GALNT11: variants seen among roughly 807,000 people sequenced by gnomAD.
The protein encoded by GALNT11 is UDP-GalNAc:polypeptide N-acetylgalactosaminyltransferase 11.
GALNT11 carries 47 observed loss-of-function variants against 72.7 expected under a neutral mutation model. That is an observed-to-expected ratio of 0.65 (90% CI 0.51 to 0.82). GALNT11 has a LOEUF of 0.82. Ranked by LOEUF, GALNT11 falls within the 40% of genes least tolerant of loss-of-function variation. The pLI is 0.00. For synonymous variants in GALNT11, 270 were observed against 286.6 expected (o/e 0.94, Z 0.58); for missense variants, 677 against 778.4 (o/e 0.87, Z 1.55).
chr7:152,090,367 G>C lies in GALNT11; in HGVS notation c.-38-3823G>C, dbSNP rs367898160. ...TTTATTATTCTTTTATGTTCCTTGG[G>C]TTTATTCAGTTATATTTTTCTTAAT... On this transcript the variant is annotated intron_variant, in intron 1 of 11. Transcript: ENST00000430044. Among the ~76,000 whole-genome samples the C allele has an allele frequency of 5.9e-5, 9 of 151,840 alleles. No homozygotes were observed. The East Asian group carries it at 1.7e-3, about 29-fold the overall frequency.
intron 1 of GALNT11, among the ~76,000 whole-genome samples, chr7:152,047,477 CAAACAAACA>C (rs532539857): frequency 7.7e-4 from 117 of 152,018 alleles, no homozygotes; most frequent in Admixed American, 3.9e-3. Flanking sequence ...AACAAACAAA[CAAACAAACA>C]AAACAAACAA....
In GALNT11 at chr7:152,118,668, T is replaced by C. The variant is rs1221930525; in HGVS notation, c.1453-10T>C. The C allele has an allele frequency of 1.9e-6, 3 of 1,606,096 alleles. No individual in the cohort carries two copies. In the Admixed American group the frequency reaches 5.1e-5, roughly 27 times the overall value. On this transcript the variant is annotated splice_polypyrimidine_tract_variant and intron_variant, in intron 9 of 11. Coordinates refer to ENST00000430044, the MANE Select transcript of GALNT11 (RefSeq NM_022087.4). ...GTTTCCCACATTCTGAGCTGTGCCT[T>C]CTCTTACAGCTCTATCACCTCCAGA...
In GALNT11 at chr7:152,043,954, C is replaced by T. The variant is rs563095882; in HGVS notation, c.-39+18070C>T. ...TTACCACAGGGACTGCTTAAGAGTA[C>T]TTGGGTGTCCTCCAGCTTAGTTCCA... On this transcript the variant is annotated intron_variant, in intron 1 of 11. Coordinates refer to ENST00000430044, the MANE Select transcript of GALNT11 (RefSeq NM_022087.4). 7.8e-4 allele frequency among the ~76,000 whole-genome samples: 119 copies of T among 152,336 alleles called. No homozygotes were observed. The South Asian group carries it at 0.024, about 31-fold the overall frequency.
intron 1 of GALNT11, among the ~76,000 whole-genome samples, chr7:152,054,711 G>T (rs1223851358): frequency 9.9e-5 from 15 of 151,602 alleles, no homozygotes; most frequent in African/African-American, 2.9e-4. Flanking sequence ...TAGAGACAGG[G>T]TTTCACCATG....
At chr7:152,115,733 G>T (rs1042518776) in intron 8 of GALNT11, among the ~76,000 whole-genome samples, 1 of 152,182 alleles carries the variant, frequency 6.6e-6, no homozygotes, top group Non-Finnish European at 1.5e-5. Flanking sequence ...TACATTTACC[G>T]CCAGGAGCTT....
intron 1 of GALNT11, among the ~76,000 whole-genome samples, chr7:152,080,488 AT>A (rs2085255592): frequency 6.6e-6 from 1 of 152,188 alleles, no homozygotes; most frequent in South Asian, 2.1e-4. Context: ...GAGTCTATTA[AT>A]TTTTTGGTAG....
At chr7:152,065,272 C>T (rs541260627) in intron 1 of GALNT11, among the ~76,000 whole-genome samples, 1 of 152,322 alleles carries the variant, frequency 6.6e-6, no homozygotes, top group Non-Finnish European at 1.5e-5. Context: ...GCATTCATCA[C>T]GTAGTTCTCG....
At chr7:152,084,380 TAAAAAAAAA>T (rs11447244) in intron 1 of GALNT11, among the ~76,000 whole-genome samples, 2 of 105,330 alleles carry the variant, frequency 1.9e-5, no homozygotes, top group African/African-American at 7.5e-5. Context: ...CCTGTCTCTT[TAAAAAAAAA>T]AAAAAAAAAA....
intron 8 of GALNT11, 101 bp from the exon 9 acceptor site, chr7:152,117,056 T>C: frequency 2.0e-6 from 2 of 982,484 alleles, no homozygotes; most frequent in South Asian, 1.5e-5. Flanking sequence ...TTATTATCAT[T>C]GTTAGTAATG....
At chr7:152,117,672 A>T in intron 9 of GALNT11, 1 of 351,786 alleles carries the variant, frequency 2.8e-6, no homozygotes, top group Admixed American at 4.5e-5. Context: ...GGAAGTGTCA[A>T]CTTCGTGTGT....
intron 8 of GALNT11, 75 bp downstream of exon 8, chr7:152,113,473 T>G: frequency 6.6e-7 from 1 of 1,526,288 alleles, no homozygotes; most frequent in Non-Finnish European, 8.9e-7. Context: ...CTTTAGTTGC[T>G]TACTTTTCAC....
chr7:152,081,446 G>C (rs1362296489), intron 1 of GALNT11, among the ~76,000 whole-genome samples: 2 of 152,160 alleles, frequency 1.3e-5, no homozygotes, highest in Non-Finnish European at 2.9e-5. Context: ...AGTCCTTTGC[G>C]ACCTAAATAG....
At chr7:152,043,095 C>T (rs1246612873) in intron 1 of GALNT11, among the ~76,000 whole-genome samples, 1 of 152,134 alleles carries the variant, frequency 6.6e-6, no homozygotes, top group Non-Finnish European at 1.5e-5. Context: ...TTTCACTTTT[C>T]CCCATTTCCA....
intron 2 of GALNT11, 66 bp from the exon 3 acceptor site, chr7:152,100,732 A>G: frequency 1.3e-6 from 2 of 1,566,890 alleles, no homozygotes; most frequent in Non-Finnish European, 1.7e-6. Context: ...TTAAGATCAT[A>G]ATATCGTTAA....
chr7:152,029,750 T>C (rs1300133490), intron 1 of GALNT11, among the ~76,000 whole-genome samples: 2 of 152,244 alleles, frequency 1.3e-5, no homozygotes, highest in Non-Finnish European at 2.9e-5. Flanking sequence ...TTGTGTCTTT[T>C]TTCCTTAATC....
chr7:152,051,747 A>T (rs1398513380), intron 1 of GALNT11, among the ~76,000 whole-genome samples: 1 of 150,950 alleles, frequency 6.6e-6, no homozygotes, highest in Non-Finnish European at 1.5e-5. Flanking sequence ...AAAAATAGGA[A>T]ATAGAAAAAC....
At chr7:152,090,945 G>A (rs1029202126) in intron 1 of GALNT11, among the ~76,000 whole-genome samples, 9 of 152,122 alleles carry the variant, frequency 5.9e-5, no homozygotes, top group African/African-American at 2.2e-4. Flanking sequence ...AAGGGAAGTG[G>A]GGAGGGCTGA....
chr7:152,099,661 T>G (rs1273948033), intron 2 of GALNT11, among the ~76,000 whole-genome samples: 1 of 150,154 alleles, frequency 6.7e-6, no homozygotes, highest in Non-Finnish European at 1.5e-5. Context: ...GTGCTGGGAT[T>G]ACAGGCATAA....
rs748794866 is a variant in GALNT11, at chr7:152,094,194, T to C, written c.-34T>C. The stretch of plus-strand genomic sequence containing the variant: ...ATATTTATTCTTCTTTTTTAGGAAA[T>C]TGACAATGGCCCTTCAGCTATGCTA... On this transcript the variant is annotated 5_prime_UTR_variant, in exon 2 of 12. Coordinates refer to ENST00000430044, the MANE Select transcript of GALNT11 (RefSeq NM_022087.4). This position sits in a 1 kb window ranked among gnomAD's most constrained non-coding sequence, Gnocchi z 4.3. 4 of 1,535,832 alleles carry C rather than the reference T, an allele frequency of 2.6e-6. No individual in the cohort carries two copies. The highest frequency in any genetic ancestry group is 3.5e-6 in the Non-Finnish European group (4 of 1,143,582).
Sources: allele counts gnomAD v4.1 joint callset (sites outside exome capture counted in the v4.1 genomes callset), GRCh38; gene constraint gnomAD v4.1.1; non-coding constraint Gnocchi (gnomAD v3.1); transcripts MANE v1.5; gene names NCBI Gene and HGNC (gene_info 2026-07-23, HGNC 2026-07-21).